The following SLC35F3 variants were observed in gnomAD, a reference collection of about 807,000 sequenced individuals.
SLC35F3 encodes putative thiamine transporter SLC35F3.
In SLC35F3, 25 loss-of-function variants were observed where a neutral mutation model predicts 49.9. The ratio of observed to expected loss-of-function variants is 0.50; its 90% CI spans 0.37 to 0.70. The LOEUF (loss-of-function observed/expected upper bound fraction) is 0.70. SLC35F3 is among the 30% of genes least tolerant of loss of function. SLC35F3 has a pLI of 0.00. For synonymous variants in SLC35F3, 275 were observed against 265.4 expected, an observed-to-expected ratio of 1.04 and a Z score of -0.35; for missense variants, 525 against 639.8, an observed-to-expected ratio of 0.82 and a Z score of 1.94.
At chr1:234,275,306 T>C (rs565776508) in intron 3 of SLC35F3, among the ~76,000 whole-genome samples, 24 of 152,218 alleles carry the variant, frequency 1.6e-4, no homozygotes, top group African/African-American at 5.1e-4. Flanking sequence ...GATAACATCA[T>C]TGTGGATATG....
intron 2 of SLC35F3, among the ~76,000 whole-genome samples, chr1:233,974,736 G>C (rs1482635544): frequency 6.6e-6 from 1 of 152,196 alleles, no homozygotes; most frequent in African/African-American, 2.4e-5. Context: ...TAAACGTGCA[G>C]CAAAGACATT....
intron 2 of SLC35F3, among the ~76,000 whole-genome samples, chr1:233,906,169 T>C (rs1661773532): frequency 6.6e-6 from 1 of 152,202 alleles, no homozygotes; most frequent in African/African-American, 2.4e-5. Flanking sequence ...CTGACTTACA[T>C]AGCCAGGATT....
intron 2 of SLC35F3, among the ~76,000 whole-genome samples, chr1:234,112,854 C>T (rs1465162920): frequency 1.4e-5 from 2 of 144,888 alleles, no homozygotes; most frequent in African/African-American, 5.1e-5. Context: ...GGATTACAGG[C>T]GTGAGCCACC....
intron 2 of SLC35F3, among the ~76,000 whole-genome samples, chr1:234,068,709 G>T (rs1647338360): frequency 6.6e-6 from 1 of 150,874 alleles, no homozygotes; most frequent in Non-Finnish European, 1.5e-5. Flanking sequence ...TAAGAGGCAA[G>T]AGTGCAGACC....
chr1:234,109,667 C>G (rs953275147), intron 2 of SLC35F3, among the ~76,000 whole-genome samples: 5 of 152,150 alleles, frequency 3.3e-5, no homozygotes, highest in Non-Finnish European at 7.4e-5. Context: ...TAGGACTGTT[C>G]TAGGCAACAG....
chr1:234,316,650 G>T lies in SLC35F3; in HGVS notation c.877G>T (p.Ala293Ser). The change falls in exon 5 of 8, where the codon GCT (alanine) becomes TCT (serine). Residue 293 changes from alanine to serine, a missense_variant. Around this residue, in one of 4 missense-constraint regions of SLC35F3, gnomAD observed 216 missense variants for 298.1 expected, o/e 0.72. Coordinates refer to ENST00000366618, the MANE Select transcript of SLC35F3 (RefSeq NM_173508.4). ...CGCTGGCATTGTGATGATGACCTAC[G>T]CTGATGGCTTCCACAGCCACTCCGT... ...AIAGIVMMTY[A>S]DGFHSHSVIG... 8 of 1,613,428 alleles carry T rather than the reference G, an allele frequency of 5.0e-6. No individual in the cohort carries two copies. The highest frequency in any genetic ancestry group is 6.8e-6 in the Non-Finnish European group (8 of 1,179,386).
At chr1:234,173,588 G>A (rs924448014) in intron 2 of SLC35F3, among the ~76,000 whole-genome samples, 3 of 152,362 alleles carry the variant, frequency 2.0e-5, no homozygotes, top group African/African-American at 7.2e-5. Flanking sequence ...TGGAGCAAAA[G>A]CACTGGCTAA....
At chr1:234,098,409 T>C (rs998071719) in intron 2 of SLC35F3, among the ~76,000 whole-genome samples, 1 of 126,078 alleles carries the variant, frequency 7.9e-6, no homozygotes, top group African/African-American at 3.0e-5. Context: ...AGGTGGTGAT[T>C]GTGTTGGTGG....
intron 2 of SLC35F3, among the ~76,000 whole-genome samples, chr1:233,937,774 T>C (rs2102797147): frequency 6.6e-6 from 1 of 152,254 alleles, no homozygotes; most frequent in African/African-American, 2.4e-5. Flanking sequence ...AGGTCACAAC[T>C]AAGGCTGGGT....
chr1:234,164,583 T>C (rs1441647599), intron 2 of SLC35F3, among the ~76,000 whole-genome samples: 1 of 152,098 alleles, frequency 6.6e-6, no homozygotes, highest in African/African-American at 2.4e-5. Context: ...ATACTTAAAA[T>C]ACAGACATCA....
chr1:234,098,508 G>C (rs1313360490), intron 2 of SLC35F3, among the ~76,000 whole-genome samples: 1 of 150,418 alleles, frequency 6.6e-6, no homozygotes, highest in African/African-American at 2.4e-5. Context: ...AGTTCGGATG[G>C]TGGTGGTAGT....
chr1:234,236,216 AGATT>A (rs1667465348), intron 3 of SLC35F3, among the ~76,000 whole-genome samples: 1 of 152,048 alleles, frequency 6.6e-6, no homozygotes, highest in African/African-American at 2.4e-5. Context: ...TGAGGAGGGC[AGATT>A]GATTGAGCCC....
chr1:234,152,344 C>T (rs113742770), intron 2 of SLC35F3, among the ~76,000 whole-genome samples: 2,790 of 152,106 alleles, frequency 0.018, 79 homozygotes, highest in African/African-American at 0.064. Context: ...ATTAACCCGT[C>T]ATCTACGTTA....
At chr1:234,041,824 A>G (rs1235402120) in intron 2 of SLC35F3, among the ~76,000 whole-genome samples, 3 of 152,180 alleles carry the variant, frequency 2.0e-5, no homozygotes, top group Non-Finnish European at 2.9e-5. Flanking sequence ...TAGGTATTCA[A>G]TAATCATATT....
chr1:234,171,802 G>A (rs1432087524), intron 2 of SLC35F3, among the ~76,000 whole-genome samples: 4 of 152,294 alleles, frequency 2.6e-5, no homozygotes, highest in South Asian at 4.2e-4. Flanking sequence ...TAGTTGCAAA[G>A]AGCTAGAAGG....
At chr1:234,152,803 A>G (rs900407171) in intron 2 of SLC35F3, among the ~76,000 whole-genome samples, 18 of 152,190 alleles carry the variant, frequency 1.2e-4, no homozygotes, top group African/African-American at 3.6e-4. Flanking sequence ...AAATCGCCAC[A>G]CTGTCTTCCA....
chr1:234,043,095 C>T (rs933534015), intron 2 of SLC35F3, among the ~76,000 whole-genome samples: 2 of 152,106 alleles, frequency 1.3e-5, no homozygotes, highest in Non-Finnish European at 2.9e-5. Flanking sequence ...ACGTTGCTTC[C>T]GTTTCTTAAG....
At chr1:233,969,787 G>A (rs1253246710) in intron 2 of SLC35F3, among the ~76,000 whole-genome samples, 2 of 152,194 alleles carry the variant, frequency 1.3e-5, no homozygotes, top group African/African-American at 2.4e-5. Flanking sequence ...AAGGCTAGTA[G>A]GGTGGTGCCA....
chr1:234,174,976 G>A (rs1666453896), intron 2 of SLC35F3, among the ~76,000 whole-genome samples: 1 of 152,212 alleles, frequency 6.6e-6, no homozygotes, highest in African/African-American at 2.4e-5. Context: ...AAGGGAGGTG[G>A]AAGGCGTCTT....
Sources: allele counts gnomAD v4.1 joint callset (sites outside exome capture counted in the v4.1 genomes callset), GRCh38; gene constraint gnomAD v4.1.1; regional missense constraint gnomAD v4.1.1; transcripts MANE v1.5; gene names NCBI Gene and HGNC (gene_info 2026-07-23, HGNC 2026-07-21).